The following CCDC107 variants were observed in gnomAD, a reference collection of about 807,000 sequenced individuals.
CCDC107 encodes the protein coiled-coil domain containing 107, also known as coiled-coil domain-containing protein 107.
A neutral mutation model predicts 17.9 loss-of-function variants in CCDC107; 17 were observed. The observed-to-expected ratio is 0.95, with a 90% CI of 0.65 to 1.42. The LOEUF (loss-of-function observed/expected upper bound fraction) is 1.42. Ranked by LOEUF, CCDC107 falls within the 40% of genes most tolerant of loss-of-function variation. The pLI is 0.00. For synonymous variants in CCDC107, 170 were observed against 157.2 expected (o/e 1.08, Z -0.61); for missense variants, 388 against 360.1 (o/e 1.08, Z -0.63).
Position 35,661,086 on chromosome 9 carries a change from AGAAGGTG to A in CCDC107, c.752_758del (p.Arg251ThrfsTer25), listed in dbSNP as rs1250399977. 4 of 1,614,116 alleles carry A rather than the reference AGAAGGTG, an allele frequency of 2.5e-6. No individual in the cohort carries two copies. Among genetic ancestry groups the A allele is most frequent in the Non-Finnish European group, 3.4e-6 (4 of 1,180,002 alleles). On this transcript the variant is annotated frameshift_variant, in exon 5 of 5. Coordinates refer to ENST00000426546, the MANE Select transcript of CCDC107 (RefSeq NM_174923.3). LOFTEE classifies it low-confidence loss of function (END_TRUNC). Reference sequence around the variant, plus strand: ...CTGGGAGGTGGGGCGGGGACTACGGAGAAGGTGCAGCCAGGCTGTGGCAAAGGGCCCC... The same window carrying A: ...CTGGGAGGTGGGGCGGGGACTACGGACAGCCAGGCTGTGGCAAAGGGCCCC...
In CCDC107 at chr9:35,661,329, A is replaced by G. The variant is rs1420334473; in HGVS notation, c.*142A>G. ...CTTCCAGTGTGACAGCAGAGAAGAT[A>G]GAGGGAGCTCCAGCTCTTTTCCTCG... On this transcript the variant is annotated 3_prime_UTR_variant, in exon 5 of 5. Transcript: ENST00000426546. 1 of 603,830 alleles carries G rather than the reference A, an allele frequency of 1.7e-6. No individual in the cohort carries two copies. Among genetic ancestry groups the G allele is most frequent in the African/African-American group, 1.9e-5 (1 of 53,722 alleles). The allele number at this position is 603,830 out of a possible 1,614,324, so 37.4% of individuals were successfully genotyped here. A position where few individuals can be genotyped will look rare whatever the true frequency, so the allele number is the denominator to read the frequency against.
At position 35,658,449 on chromosome 9, in the gene CCDC107, G is replaced by C; in HGVS notation, c.70G>C (p.Gly24Arg). ...LLVSALSGVLGDRANPDLRAH... is the reference protein window; with the variant it reads ...LLVSALSGVLRDRANPDLRAH... ...TGTGTCTGCGCTGTCCGGGGTCCTA[G>C]GAGACCGCGCCAATCCCGACCTCCG... Residue 24 changes from glycine (G) to arginine (R), a missense_variant, in exon 1 of 5, where the codon GGA (glycine) becomes CGA (arginine). Gly to Arg is a moderately radical substitution (Grantham distance 125, BLOSUM62 -2). Coordinates refer to ENST00000426546, the MANE Select transcript of CCDC107 (RefSeq NM_174923.3). 2.7e-6 allele frequency: 4 copies of C among 1,477,454 alleles called. No homozygotes were observed. Among genetic ancestry groups the C allele is most frequent in the South Asian group, 1.3e-5 (1 of 76,710 alleles). 91.5% of individuals were successfully genotyped at this position (1,477,454 alleles called of 1,614,324 possible).
chr9:35,660,300 C>T, intron 2 of CCDC107, 101 bp from the exon 3 acceptor site: 1 of 993,320 alleles, frequency 1.0e-6, no homozygotes. Flanking sequence ...CAATCACTGT[C>T]TCCATCTCAA....
Position 35,661,364 on chromosome 9 carries a change from G to T in CCDC107, c.*177G>T. 1.9e-6 allele frequency: 1 copy of T among 521,242 alleles called. No homozygotes were observed. The allele number at this position is 521,242 out of a possible 1,614,324, so 32.3% of individuals were successfully genotyped here. On this transcript the variant is annotated 3_prime_UTR_variant, in exon 5 of 5. Transcript: ENST00000426546. ...CCAGCTCTTTTCCTCGTATTCCTGA[G>T]GCCACCAGCATGCCCGCGTTCAGGG...
intron 3 of CCDC107, 34 bp from the exon 4 acceptor site, chr9:35,660,523 A>G (rs1466498977): frequency 2.5e-6 from 4 of 1,612,652 alleles, no homozygotes; most frequent in Non-Finnish European, 3.4e-6. Flanking sequence ...AAGATACATA[A>G]CCACTTCTGC....
At position 35,661,265 on chromosome 9, in the gene CCDC107, T is replaced by C. The variant is rs1349064791; in HGVS notation, c.*78T>C. ...TAGGTGCCTAAGGACAACTGGGCCT[T>C]CTTGAAGAGCTGTCCTTATTAGGAC... On this transcript the variant is annotated 3_prime_UTR_variant, in exon 5 of 5. Transcript: ENST00000426546. The C allele has an allele frequency of 2.0e-6, 2 of 1,017,850 alleles. No individual in the cohort carries two copies. The highest frequency in any genetic ancestry group is 3.2e-5 in the African/African-American group (2 of 61,920). 63.1% of individuals were successfully genotyped at this position (1,017,850 alleles called of 1,614,324 possible). A position where few individuals can be genotyped will look rare whatever the true frequency, so the allele number is the denominator to read the frequency against.
Position 35,658,325 on chromosome 9 carries a change from C to A in CCDC107, c.-55C>A. 1 of 1,294,490 alleles carries A rather than the reference C, an allele frequency of 7.7e-7. No individual in the cohort carries two copies. The highest frequency in any genetic ancestry group is 2.3e-5 in the South Asian group (1 of 43,098). The allele number at this position is 1,294,490 out of a possible 1,614,324, so 80.2% of individuals were successfully genotyped here. ...GCGCGTGCGCGTTGGGGCGGCCGGC[C>A]AATGCCGGACCGCTTCGGCACCGCC... On this transcript the variant is annotated 5_prime_UTR_variant, in exon 1 of 5. Coordinates refer to ENST00000426546, the MANE Select transcript of CCDC107 (RefSeq NM_174923.3).
In CCDC107 at chr9:35,658,706, T is replaced by G. The variant is rs919098676; in HGVS notation, c.237T>G (p.Phe79Leu). The G allele has an allele frequency of 4.5e-6, 7 of 1,561,864 alleles. No individual in the cohort carries two copies. In the Admixed American group the frequency reaches 1.1e-4, roughly 24 times the overall value. ...TGTACACCGCGGCCGTCGCGGCTTTTGTGCTGTACAAGTGTTTGCAGGTAC... is the reference window on the plus strand; with the variant it reads ...TGTACACCGCGGCCGTCGCGGCTTTGGTGCTGTACAAGTGTTTGCAGGTAC... Reference protein sequence around the residue: ...GALYTAAVAAFVLYKCLQGKD... With the variant: ...GALYTAAVAALVLYKCLQGKD... Residue 79 changes from phenylalanine to leucine, a missense_variant, in exon 2 of 5, where the codon TTT (phenylalanine) becomes TTG (leucine). Coordinates refer to ENST00000426546, the MANE Select transcript of CCDC107 (RefSeq NM_174923.3).
Position 35,658,305 on chromosome 9 carries a change from T to C in CCDC107, c.-75T>C. 1.6e-6 allele frequency: 2 copies of C among 1,236,016 alleles called. No homozygotes were observed. The highest frequency in any genetic ancestry group is 2.1e-6 in the Non-Finnish European group (2 of 969,722). 76.6% of individuals were successfully genotyped at this position (1,236,016 alleles called of 1,614,324 possible). On this transcript the variant is annotated 5_prime_UTR_variant, in exon 1 of 5. Transcript: ENST00000426546. Reference sequence around the variant, plus strand: ...GCCGGCCGGCCTGCTCGCGTGCGCGTGCGCGTTGGGGCGGCCGGCCAATGC... The same window carrying C: ...GCCGGCCGGCCTGCTCGCGTGCGCGCGCGCGTTGGGGCGGCCGGCCAATGC...
intron 3 of CCDC107, 36 bp from the exon 4 acceptor site, chr9:35,660,521 T>TA: frequency 1.9e-6 from 3 of 1,613,002 alleles, no homozygotes; most frequent in Non-Finnish European, 2.5e-6. Flanking sequence ...AGAAGATACA[T>TA]AACCACTTCT....
rs1823919449 is a variant in CCDC107, at chr9:35,661,117, C to T, written c.782C>T (p.Pro261Leu). The change falls in exon 5 of 5, where the codon CCC becomes CTC. Residue 261 changes from proline to leucine, a missense_variant. Physicochemically the swap from Pro to Leu is moderately conservative, Grantham distance 98. Transcript: ENST00000426546. ...TGCAGCCAGGCTGTGGCAAAGGGCC[C>T]CAGTCACAGCCTTGGCTGGGAAGGA... is the stretch of plus-strand genomic sequence containing the variant. ...RRCSQAVAKG[P>L]SHSLGWEGGT... The T allele has an allele frequency of 3.1e-6, 5 of 1,613,750 alleles. No homozygotes were observed. Among genetic ancestry groups the T allele is most frequent in the Non-Finnish European group, 4.2e-6 (5 of 1,179,758 alleles).
At position 35,661,420 on chromosome 9, in the gene CCDC107, G is replaced by A; in HGVS notation, c.*233G>A. ...AAATCCCTTTTCTCATAGCAAAACTGAGACAGAAGGGTCTTTCCCAAAAAA... is the reference window on the plus strand; with the variant it reads ...AAATCCCTTTTCTCATAGCAAAACTAAGACAGAAGGGTCTTTCCCAAAAAA... On this transcript the variant is annotated 3_prime_UTR_variant, in exon 5 of 5. Coordinates refer to ENST00000426546, the MANE Select transcript of CCDC107 (RefSeq NM_174923.3). 2.2e-6 allele frequency: 1 copy of A among 453,350 alleles called. No individual in the cohort carries two copies. The highest frequency in any genetic ancestry group is 3.9e-6 in the Non-Finnish European group (1 of 258,178). The allele number at this position is 453,350 out of a possible 1,614,324, so 28.1% of individuals were successfully genotyped here.
intron 2 of CCDC107, 63 bp downstream of exon 2, chr9:35,658,790 CCT>C: frequency 9.4e-7 from 1 of 1,066,252 alleles, no homozygotes; most frequent in Non-Finnish European, 1.3e-6. Context: ...GTGGGGATCC[CCT>C]GAGCCCGAAT....
intron 2 of CCDC107, 121 bp downstream of exon 2, chr9:35,658,848 T>G (rs1164883174): frequency 9.0e-6 from 5 of 553,022 alleles, no homozygotes; most frequent in Non-Finnish European, 1.5e-5. Context: ...ACAGCTTCCC[T>G]GTCTGTAAAA....
chr9:35,660,323 CTT>C (rs746141126), intron 2 of CCDC107, 76 bp from the exon 3 acceptor site: 10 of 1,290,796 alleles, frequency 7.7e-6, no homozygotes, highest in African/African-American at 6.0e-5. Flanking sequence ...TGCACTCTCT[CTT>C]GGCTGGCTCT....
rs1464787637 is a variant in CCDC107, at chr9:35,661,267, T to G, written c.*80T>G. The G allele has an allele frequency of 4.0e-6, 4 of 992,878 alleles. No homozygotes were observed. In the African/African-American group the frequency reaches 6.5e-5, roughly 16 times the overall value. The allele number at this position is 992,878 out of a possible 1,614,324, so 61.5% of individuals were successfully genotyped here. A position where few individuals can be genotyped will look rare whatever the true frequency, so the allele number is the denominator to read the frequency against. On this transcript the variant is annotated 3_prime_UTR_variant, in exon 5 of 5. Coordinates refer to ENST00000426546, the MANE Select transcript of CCDC107 (RefSeq NM_174923.3). ...GGTGCCTAAGGACAACTGGGCCTTC[T>G]TGAAGAGCTGTCCTTATTAGGACAA...
Position 35,658,385 on chromosome 9 carries a change from G to T in CCDC107, c.6G>T (p.Ala2=). 1.4e-6 allele frequency: 2 copies of T among 1,398,824 alleles called. No individual in the cohort carries two copies. The highest frequency in any genetic ancestry group is 9.3e-7 in the Non-Finnish European group (1 of 1,073,224). The allele number at this position is 1,398,824 out of a possible 1,614,324, so 86.7% of individuals were successfully genotyped here. M[A]GAVSLLGVVG... is the part of the protein sequence containing the mutation. ...CCTCCACCCGTGGGCCGGCAATGGC[G>T]GGCGCAGTTTCGCTCTTGGGTGTGG... The change falls in exon 1 of 5, where the codon GCG becomes GCT. Residue 2 remains alanine (A), a synonymous_variant. Coordinates refer to ENST00000426546, the MANE Select transcript of CCDC107 (RefSeq NM_174923.3).
At position 35,658,336 on chromosome 9, in the gene CCDC107, C is replaced by A. The variant is rs372183653; in HGVS notation, c.-44C>A. On this transcript the variant is annotated 5_prime_UTR_variant, in exon 1 of 5. Coordinates refer to ENST00000426546, the MANE Select transcript of CCDC107 (RefSeq NM_174923.3). ...TTGGGGCGGCCGGCCAATGCCGGAC[C>A]GCTTCGGCACCGCCCGCCCGATCCC... 1.5e-6 allele frequency: 2 copies of A among 1,311,756 alleles called. No homozygotes were observed. The highest frequency in any genetic ancestry group is 1.9e-6 in the Non-Finnish European group (2 of 1,030,978). The allele number at this position is 1,311,756 out of a possible 1,614,324, so 81.3% of individuals were successfully genotyped here.
Position 35,658,731 on chromosome 9 carries a change from C to A in CCDC107, c.258+4C>A. The A allele has an allele frequency of 6.7e-7, 1 of 1,486,206 alleles. No homozygotes were observed. The highest frequency in any genetic ancestry group is 8.9e-7 in the Non-Finnish European group (1 of 1,119,080). The allele number at this position is 1,486,206 out of a possible 1,614,324, so 92.1% of individuals were successfully genotyped here. A position where few individuals can be genotyped will look rare whatever the true frequency, so the allele number is the denominator to read the frequency against. Reference sequence around the variant, plus strand: ...TGTGCTGTACAAGTGTTTGCAGGTACGGGGCGGCCGGGGGTAGGGGTGCCC... The same window carrying A: ...TGTGCTGTACAAGTGTTTGCAGGTAAGGGGCGGCCGGGGGTAGGGGTGCCC... On this transcript the variant is annotated splice_donor_region_variant and intron_variant, in intron 2 of 4. Transcript: ENST00000426546.
Sources: gnomAD v4.1 joint callset for allele counts on GRCh38, gnomAD v4.1.1 for gene constraint, MANE v1.5 for transcripts, NCBI Gene and HGNC (gene_info 2026-07-23, HGNC 2026-07-21) for gene names.